The following GALNT9 variants were observed in gnomAD, a reference collection of about 807,000 sequenced individuals.
GALNT9 encodes polypeptide N-acetylgalactosaminyltransferase 9.
In GALNT9, 47 loss-of-function variants were observed where a neutral mutation model predicts 63.1. The observed-to-expected ratio is 0.75, with a 90% CI of 0.59 to 0.95. GALNT9 has a LOEUF of 0.95. GALNT9 is among the 40% of genes least tolerant of loss of function. GALNT9 has a pLI of 0.00. For synonymous variants in GALNT9, 396 were observed against 365.7 expected (o/e 1.08, Z -0.94); for missense variants, 829 against 874.8 (o/e 0.95, Z 0.66).
intron 1 of GALNT9, among the ~76,000 whole-genome samples, chr12:132,321,395 A>G (rs1325004326): frequency 1.3e-5 from 2 of 152,140 alleles, no homozygotes; most frequent in Non-Finnish European, 2.9e-5. Flanking sequence ...TCAAGCAGCT[A>G]GTGAGACGGG....
At chr12:132,201,411 G>T (rs1291567579) in intron 7 of GALNT9, 150 bp from the exon 8 acceptor site, 8 of 491,460 alleles carry the variant, frequency 1.6e-5, no homozygotes, top group Non-Finnish European at 2.8e-5. Flanking sequence ...CATCCAGTTG[G>T]GACCCCCCAG....
chr12:132,282,263 G>C lies in GALNT9; in HGVS notation c.419+3987C>G, dbSNP rs1425623968. Among the ~76,000 whole-genome samples, 1 of 151,944 alleles carries C rather than the reference G, an allele frequency of 6.6e-6. No individual in the cohort carries two copies. Among genetic ancestry groups the C allele is most frequent in the Non-Finnish European group, 1.5e-5 (1 of 67,980 alleles). On this transcript the variant is annotated intron_variant, in intron 2 of 10. Transcript: ENST00000328957. This position sits in a 1 kb window ranked among gnomAD's most constrained non-coding sequence, Gnocchi z 4.5. ...CTGGGGTCCCACATCCCACAGAGGG[G>C]GAATCAGCTCCACTACAGCAAGGCC...
At chr12:132,309,324 C>A (rs1881730325) in intron 1 of GALNT9, among the ~76,000 whole-genome samples, 2 of 152,184 alleles carry the variant, frequency 1.3e-5, no homozygotes, top group African/African-American at 2.4e-5. Flanking sequence ...CCTCTAGCTG[C>A]CCGTGGACCT....
chr12:132,243,313 C>CCCATT, intron 6 of GALNT9, among the ~76,000 whole-genome samples: 1 of 139,524 alleles, frequency 7.2e-6, no homozygotes, highest in South Asian at 2.3e-4. Flanking sequence ...ATACCCATTA[C>CCCATT]ACACACACCA....
Position 132,238,014 on chromosome 12 carries a change from C to T in GALNT9, c.1077+9896G>A, listed in dbSNP as rs1490542797. Among the ~76,000 whole-genome samples the T allele has an allele frequency of 2.6e-5, 4 of 152,206 alleles. No individual in the cohort carries two copies. Among genetic ancestry groups the T allele is most frequent in the Admixed American group, 6.5e-5 (1 of 15,288 alleles). ...AGGAAACATCTGTGACCCCAGCAGA[C>T]GGGGAGCCAGGCAAGGACTCTGCAG... On this transcript the variant is annotated intron_variant, in intron 6 of 10. Transcript: ENST00000328957. This position sits in a 1 kb window ranked among gnomAD's most constrained non-coding sequence, Gnocchi z 6.5.
At chr12:132,325,177 G>C (rs1032136101) in intron 1 of GALNT9, among the ~76,000 whole-genome samples, 1 of 152,268 alleles carries the variant, frequency 6.6e-6, no homozygotes, top group Non-Finnish European at 1.5e-5. Context: ...TCTCCAGGCT[G>C]TTCCCACGGC....
rs1364584421 is a variant in GALNT9 at position 132,319,912 on chromosome 12, T to G, written c.238+9054A>C. On this transcript the variant is annotated intron_variant, in intron 1 of 10. Transcript: ENST00000328957. This position sits in a 1 kb window ranked among gnomAD's most constrained non-coding sequence, Gnocchi z 5.2. ...TCGGAGGCACTCACTGACCCCGCCA[T>G]GCAGGCGGGCACACGAGGCAGGCGC... 6.6e-6 allele frequency among the ~76,000 whole-genome samples: 1 copy of G among 152,180 alleles called. No individual in the cohort carries two copies.
At chr12:132,285,233 G>T (rs1044724710) in intron 2 of GALNT9, among the ~76,000 whole-genome samples, 1 of 152,224 alleles carries the variant, frequency 6.6e-6, no homozygotes, top group Non-Finnish European at 1.5e-5. Context: ...GGTGAAACGC[G>T]GCCCCACTGG....
intron 8 of GALNT9, chr12:132,200,856 G>A (rs1593460818): frequency 2.1e-6 from 1 of 485,378 alleles, no homozygotes; most frequent in Non-Finnish European, 3.7e-6. Context: ...AGGAATGGGT[G>A]TGTATGGACA....
chr12:132,279,708 T>A lies in GALNT9; in HGVS notation c.419+6542A>T, dbSNP rs1434641686. ...TGGGCGCCTGTGATTCTCACCCCTG[T>A]CCCTTCAGGCCGTGGGGAGAAGAAC... On this transcript the variant is annotated intron_variant, in intron 2 of 10. Transcript: ENST00000328957. The surrounding 1 kb of genome is among the most constrained non-coding windows in gnomAD (Gnocchi z 4.1). 2 of 152,408 alleles carry A rather than the reference T, an allele frequency of 1.3e-5. No homozygotes were observed. Among genetic ancestry groups the A allele is most frequent in the African/African-American group, 4.8e-5 (2 of 41,462 alleles). The allele number at this position is 152,408 out of a possible 1,614,324, so 9.4% of individuals were successfully genotyped here.
At position 132,282,253 on chromosome 12, in the gene GALNT9, CCA is replaced by C. The variant is rs1880384952; in HGVS notation, c.419+3995_419+3996del. On this transcript the variant is annotated intron_variant, in intron 2 of 10. Transcript: ENST00000328957. This position sits in a 1 kb window ranked among gnomAD's most constrained non-coding sequence, Gnocchi z 4.5. ...AAGGCCAGGCCTGGGGTCCCACATC[CCA>C]CAGAGGGGGAATCAGCTCCACTACA... 2.0e-5 allele frequency among the ~76,000 whole-genome samples: 3 copies of C among 151,820 alleles called. No individual in the cohort carries two copies. Among genetic ancestry groups the C allele is most frequent in the Non-Finnish European group, 2.9e-5 (2 of 67,960 alleles).
At chr12:132,294,744 C>T (rs1311072189) in intron 1 of GALNT9, among the ~76,000 whole-genome samples, 2 of 64,312 alleles carry the variant, frequency 3.1e-5, no homozygotes, top group Non-Finnish European at 5.9e-5. Context: ...GGGTCAGAGC[C>T]GCTTGGCTTT....
At chr12:132,313,489 G>C (rs1349605056) in intron 1 of GALNT9, among the ~76,000 whole-genome samples, 8 of 77,356 alleles carry the variant, frequency 1.0e-4, no homozygotes, top group Non-Finnish European at 1.5e-4. Context: ...AATCCATCCA[G>C]CCATCCATCC....
intron 1 of GALNT9, among the ~76,000 whole-genome samples, chr12:132,287,168 G>A: frequency 6.8e-6 from 1 of 146,574 alleles, no homozygotes; most frequent in South Asian, 2.2e-4. Context: ...CCCCCCGTGA[G>A]CCACGGCCCT....
Position 132,319,955 on chromosome 12 carries a change from C to T in GALNT9, c.238+9011G>A, listed in dbSNP as rs1165109348. 1.2e-4 allele frequency among the ~76,000 whole-genome samples: 19 copies of T among 152,302 alleles called. No individual in the cohort carries two copies. The highest frequency in any genetic ancestry group is 3.9e-4 in the Admixed American group (6 of 15,304). On this transcript the variant is annotated intron_variant, in intron 1 of 10. Transcript: ENST00000328957. The surrounding 1 kb of genome is among the most constrained non-coding windows in gnomAD (Gnocchi z 5.2). Reference sequence around the variant, plus strand: ...GCAGGCGCTCCTAAGGAAAAGGGGGCGGCCAGCGGCCCCCACCGCTGGGTC... The same window carrying T: ...GCAGGCGCTCCTAAGGAAAAGGGGGTGGCCAGCGGCCCCCACCGCTGGGTC...
chr12:132,319,279 G>A lies in GALNT9; in HGVS notation c.238+9687C>T, dbSNP rs1482662793. On this transcript the variant is annotated intron_variant, in intron 1 of 10. Transcript: ENST00000328957. The surrounding 1 kb of genome is among the most constrained non-coding windows in gnomAD (Gnocchi z 5.2). ...GGTCTGTCCTCCCCAGTGCAGACAG[G>A]GATCAGCCCCTTCTCGGAGGCCCGG... Among the ~76,000 whole-genome samples, 1 of 152,166 alleles carries A rather than the reference G, an allele frequency of 6.6e-6. No individual in the cohort carries two copies. Among genetic ancestry groups the A allele is most frequent in the African/African-American group, 2.4e-5 (1 of 41,446 alleles).
chr12:132,203,114 C>T (rs755664367), intron 7 of GALNT9, among the ~76,000 whole-genome samples: 7 of 152,264 alleles, frequency 4.6e-5, no homozygotes, highest in South Asian at 2.1e-4. Flanking sequence ...TGAGGCTGCC[C>T]GGGGCTGGGG....
At chr12:132,291,055 TCCTCAG>T (rs1880807232) in intron 1 of GALNT9, among the ~76,000 whole-genome samples, 1 of 69,122 alleles carries the variant, frequency 1.4e-5, no homozygotes. Flanking sequence ...AGCGCCCACA[TCCTCAG>T]CACCCACAAC....
In GALNT9 at chr12:132,197,001, T is replaced by TAGAGCC; in HGVS notation, c.*100_*105dup. 2.6e-6 allele frequency: 4 copies of TAGAGCC among 1,542,218 alleles called. No individual in the cohort carries two copies. The highest frequency in any genetic ancestry group is 3.5e-6 in the Non-Finnish European group (4 of 1,144,084). Reference sequence around the variant, plus strand: ...CAGCCTCTGCTGTCCTGGCCGCACATAGAGCCCTGTCCTGCTGTGTCTGCC... The same window carrying TAGAGCC: ...CAGCCTCTGCTGTCCTGGCCGCACATAGAGCCAGAGCCCTGTCCTGCTGTGTCTGCC... On this transcript the variant is annotated 3_prime_UTR_variant, in exon 11 of 11. Coordinates refer to ENST00000328957, the MANE Select transcript of GALNT9 (RefSeq NM_001122636.2).
Sources: gnomAD v4.1 joint callset for allele counts (sites outside exome capture counted in the v4.1 genomes callset) on GRCh38, gnomAD v4.1.1 for gene constraint, Gnocchi (gnomAD v3.1) non-coding constraint, MANE v1.5 for transcripts, NCBI Gene and HGNC (gene_info 2026-07-23, HGNC 2026-07-21) for gene names.